Variants in CRADD observed in about 807,000 individuals in gnomAD.
CRADD encodes the protein CARD and death domain containing adaptor protein.
CRADD carries 9 observed loss-of-function variants against 15.5 expected under a neutral mutation model. The observed-to-expected ratio is 0.58, with a 90% confidence interval of 0.35 to 1.01. CRADD has a LOEUF of 1.01. Among genes scored for constraint, CRADD ranks in the 50% least tolerant of loss-of-function variants. CRADD has a pLI of 0.02. For synonymous variants in CRADD, 118 were observed against 107.6 expected (o/e 1.10, Z -0.60); for missense variants, 227 against 250.3 (o/e 0.91, Z 0.63).
intron 2 of CRADD, among the ~76,000 whole-genome samples, chr12:93,856,432 G>A (rs554928121): frequency 2.0e-5 from 3 of 152,216 alleles, no homozygotes; most frequent in Non-Finnish European, 4.4e-5. Context: ...TCAGCCTGCT[G>A]GGGAGACAGC....
rs566987297 is a variant in CRADD, at chr12:93,716,974, T to C, written c.298+37902T>C. The stretch of plus-strand genomic sequence containing the variant: ...ACCAAACTGTCTTCCAAAGTGGCTA[T>C]ACCATTTTGTGTTCCTACCAGCAAT... On this transcript the variant is annotated intron_variant, in intron 2 of 2. Coordinates refer to ENST00000332896, the MANE Select transcript of CRADD (RefSeq NM_003805.5). 3.3e-5 allele frequency among the ~76,000 whole-genome samples: 5 copies of C among 152,370 alleles called. No individual in the cohort carries two copies. The South Asian group carries it at 1.0e-3, about 32-fold the overall frequency.
Position 93,729,722 on chromosome 12 carries a change from T to G in CRADD, c.298+50650T>G, listed in dbSNP as rs185919802. ...ATTGCTTGAACCTGGGAGGCAGAGA[T>G]TGCAGTGAGCCGAGATTGCGCCAGT... On this transcript the variant is annotated intron_variant, in intron 2 of 2. Coordinates refer to ENST00000332896, the MANE Select transcript of CRADD (RefSeq NM_003805.5). Among the ~76,000 whole-genome samples the G allele has an allele frequency of 4.6e-5, 7 of 151,332 alleles. No individual in the cohort carries two copies. In the East Asian group the frequency reaches 7.8e-4, roughly 17 times the overall value.
chr12:93,812,265 A>G (rs1208639301), intron 2 of CRADD, among the ~76,000 whole-genome samples: 1 of 152,210 alleles, frequency 6.6e-6, no homozygotes, highest in Non-Finnish European at 1.5e-5. Flanking sequence ...TGTGTATTTG[A>G]CAAACCCTTC....
In CRADD at chr12:93,726,961, C is replaced by G. The variant is rs113412546; in HGVS notation, c.298+47889C>G. ...CCTTGAAATTGCTCCTCTTTGTATT[C>G]CATTCCTGGATAATTACCATCTATA... On this transcript the variant is annotated intron_variant, in intron 2 of 2. Coordinates refer to ENST00000332896, the MANE Select transcript of CRADD (RefSeq NM_003805.5). Among the ~76,000 whole-genome samples the G allele has an allele frequency of 5.4e-3, 817 of 152,292 alleles. 5 individuals are homozygous for G. Among genetic ancestry groups the G allele is most frequent in the African/African-American group, 0.018 (767 of 41,562 alleles).
chr12:93,720,151 A>AT (rs1274562167), intron 2 of CRADD, among the ~76,000 whole-genome samples: 10 of 152,088 alleles, frequency 6.6e-5, no homozygotes, highest in African/African-American at 9.7e-5. Flanking sequence ...AGTTCAAAAT[A>AT]TTTTTTTAAA....
At chr12:93,777,754 C>T (rs1032665237) in intron 2 of CRADD, among the ~76,000 whole-genome samples, 4 of 152,140 alleles carry the variant, frequency 2.6e-5, no homozygotes, top group East Asian at 3.9e-4. Context: ...ACGGTATACT[C>T]GGAAAGTTAA....
intron 2 of CRADD, among the ~76,000 whole-genome samples, chr12:93,790,922 C>CACACACACACAT (rs1356064280): frequency 6.6e-6 from 1 of 151,702 alleles, no homozygotes; most frequent in Non-Finnish European, 1.5e-5. Context: ...GACACACACA[C>CACACACACACAT]ACACACACAC....
chr12:93,793,432 GAA>G (rs1957374581), intron 2 of CRADD, among the ~76,000 whole-genome samples: 1 of 152,142 alleles, frequency 6.6e-6, no homozygotes, highest in African/African-American at 2.4e-5. Flanking sequence ...TGTTCAGGTG[GAA>G]ACCCCTCGTG....
intron 2 of CRADD, among the ~76,000 whole-genome samples, chr12:93,751,175 A>G (rs956482448): frequency 3.9e-5 from 6 of 152,248 alleles, no homozygotes; most frequent in Non-Finnish European, 7.3e-5. Context: ...GTTGTTTACC[A>G]TAAAGAATTA....
At chr12:93,839,288 A>C (rs1170023013) in intron 2 of CRADD, among the ~76,000 whole-genome samples, 2 of 152,086 alleles carry the variant, frequency 1.3e-5, no homozygotes, top group East Asian at 3.8e-4. Flanking sequence ...CCTCATAGTG[A>C]CCCCTCATGG....
intron 2 of CRADD, among the ~76,000 whole-genome samples, chr12:93,752,007 C>T (rs559964120): frequency 6.6e-5 from 10 of 152,314 alleles, no homozygotes; most frequent in Middle Eastern, 3.4e-3. Flanking sequence ...GTAGTCGGGC[C>T]GGCAAGTAAC....
At chr12:93,834,860 A>T (rs1032482677) in intron 2 of CRADD, among the ~76,000 whole-genome samples, 2 of 152,332 alleles carry the variant, frequency 1.3e-5, no homozygotes, top group African/African-American at 4.8e-5. Context: ...CCTGGTACTG[A>T]TATTGAGGAA....
At chr12:93,780,495 G>C (rs1157737421) in intron 2 of CRADD, among the ~76,000 whole-genome samples, 1 of 152,138 alleles carries the variant, frequency 6.6e-6, no homozygotes, top group Non-Finnish European at 1.5e-5. Context: ...TGATGGGCTG[G>C]GATTCAGATC....
intron 2 of CRADD, among the ~76,000 whole-genome samples, chr12:93,775,128 G>A (rs748760829): frequency 1.3e-5 from 2 of 152,308 alleles, no homozygotes; most frequent in East Asian, 3.9e-4. Context: ...TGAGCATTTG[G>A]TGCTCACATT....
chr12:93,735,769 TATTATTTGTAGAAAAAATACTAGATCTAG>T (rs1388438341), intron 2 of CRADD: 28 of 151,820 alleles, frequency 1.8e-4, no homozygotes, highest in African/African-American at 5.3e-4. Flanking sequence ...ATTGGAACCG[TATTATTTGTAGAAAAAATACTAGATCTAG>T]AACCAGAGAC....
intron 2 of CRADD, among the ~76,000 whole-genome samples, chr12:93,791,916 A>C (rs1337825274): frequency 1.7e-5 from 2 of 116,568 alleles, no homozygotes; most frequent in Non-Finnish European, 3.5e-5. Context: ...TTTTTTTTTT[A>C]GTCTCCAGGC....
At chr12:93,811,472 C>T (rs544604446) in intron 2 of CRADD, among the ~76,000 whole-genome samples, 1 of 152,344 alleles carries the variant, frequency 6.6e-6, no homozygotes, top group Admixed American at 6.5e-5. Context: ...TCTGCCCTGG[C>T]TCAGTGCTGG....
At chr12:93,730,300 T>C (rs1302113433) in intron 2 of CRADD, among the ~76,000 whole-genome samples, 1 of 152,206 alleles carries the variant, frequency 6.6e-6, no homozygotes, top group Non-Finnish European at 1.5e-5. Flanking sequence ...CTCCTATATA[T>C]CAGTATTTGT....
intron 2 of CRADD, among the ~76,000 whole-genome samples, chr12:93,806,470 A>C (rs189720): frequency 2.1e-5 from 2 of 93,438 alleles, no homozygotes; most frequent in Non-Finnish European, 4.8e-5. Flanking sequence ...AAAAAAAAAA[A>C]AACAAAAAAA....
Sources: allele counts gnomAD v4.1 joint callset (sites outside exome capture counted in the v4.1 genomes callset), GRCh38; gene constraint gnomAD v4.1.1; transcripts MANE v1.5; gene names NCBI Gene and HGNC (gene_info 2026-07-23, HGNC 2026-07-21).